SCARA5: variants seen among roughly 807,000 people sequenced by gnomAD.
SCARA5 encodes the protein scavenger receptor class A member 5.
A neutral mutation model predicts 46.3 loss-of-function variants in SCARA5; 45 were observed. That is an observed-to-expected ratio of 0.97 (90% CI 0.76 to 1.24). The LOEUF (loss-of-function observed/expected upper bound fraction) is 1.24, where lower values mean the gene tolerates loss of function less well. Ranked by LOEUF, SCARA5 falls within the 50% of genes most tolerant of loss-of-function variation. SCARA5 has a pLI of 0.00. For missense variants in SCARA5, 680 were observed against 689.0 expected (o/e 0.99, Z 0.15); for synonymous variants, 333 against 306.5 (o/e 1.09, Z -0.90).
At chr8:27,943,263 C>G (rs1166341332) in intron 3 of SCARA5, among the ~76,000 whole-genome samples, 1 of 152,180 alleles carries the variant, frequency 6.6e-6, no homozygotes, top group East Asian at 1.9e-4. Flanking sequence ...AACCCTGTCT[C>G]TACTAAAAAT....
At chr8:27,919,920 G>A (rs930119010) in intron 4 of SCARA5, among the ~76,000 whole-genome samples, 2 of 149,950 alleles carry the variant, frequency 1.3e-5, no homozygotes, top group African/African-American at 4.9e-5. Context: ...TATTATTTGT[G>A]CTGATGGCAG....
Position 27,909,747 on chromosome 8 carries a change from G to A in SCARA5, c.917-4C>T, listed in dbSNP as rs1412599809. On this transcript the variant is annotated splice_polypyrimidine_tract_variant and splice_region_variant and intron_variant, in intron 4 of 8. Transcript: ENST00000354914. ...TCACCTTTGGGTCCCGGTGGCCCTGGAAAGGCAAAAACAGCACTGAGGTTA... is the reference window on the plus strand; with the variant it reads ...TCACCTTTGGGTCCCGGTGGCCCTGAAAAGGCAAAAACAGCACTGAGGTTA... 1.2e-5 allele frequency: 19 copies of A among 1,550,030 alleles called. No individual in the cohort carries two copies. Among genetic ancestry groups the A allele is most frequent in the East Asian group, 2.4e-5 (1 of 40,840 alleles).
chr8:27,952,603 CAG>C (rs1808146009), intron 3 of SCARA5, among the ~76,000 whole-genome samples: 2 of 152,206 alleles, frequency 1.3e-5, no homozygotes, highest in Admixed American at 6.5e-5. Flanking sequence ...ACAAGCCATG[CAG>C]AGAGGCAGAA....
chr8:27,961,474 G>A (rs1808293210), intron 3 of SCARA5, among the ~76,000 whole-genome samples: 1 of 152,186 alleles, frequency 6.6e-6, no homozygotes, highest in Non-Finnish European at 1.5e-5. Context: ...GAAACCATGA[G>A]CCAAATAAAC....
intron 8 of SCARA5, among the ~76,000 whole-genome samples, chr8:27,873,462 C>T (rs966022815): frequency 1.9e-4 from 29 of 152,186 alleles, no homozygotes; most frequent in African/African-American, 7.0e-4. Flanking sequence ...GTAAAAATGG[C>T]CGGTTCCTGC....
At chr8:27,917,850 A>G (rs1248325036) in intron 4 of SCARA5, among the ~76,000 whole-genome samples, 1 of 152,180 alleles carries the variant, frequency 6.6e-6, no homozygotes, top group Non-Finnish European at 1.5e-5. Flanking sequence ...AGACAGGAAA[A>G]GCTAAGATCC....
chr8:27,980,443 G>A (rs1001063582), intron 2 of SCARA5, among the ~76,000 whole-genome samples: 12 of 152,156 alleles, frequency 7.9e-5, no homozygotes, highest in South Asian at 4.1e-4. Flanking sequence ...GGGACATGTC[G>A]GTGGCATCCC....
intron 2 of SCARA5, 113 bp from the exon 3 acceptor site, chr8:27,966,655 T>TCTCACA: frequency 8.6e-7 from 1 of 1,156,394 alleles, no homozygotes; most frequent in African/African-American, 1.5e-5. Flanking sequence ...ATGTTGAACT[T>TCTCACA]CTCACATCCC....
At chr8:27,881,293 C>T (rs992748023) in intron 7 of SCARA5, among the ~76,000 whole-genome samples, 1 of 152,200 alleles carries the variant, frequency 6.6e-6, no homozygotes, top group Non-Finnish European at 1.5e-5. Flanking sequence ...GGAAATCAAC[C>T]TACGTGCCTA....
At chr8:27,965,353 C>T (rs928866083) in intron 3 of SCARA5, among the ~76,000 whole-genome samples, 1 of 152,240 alleles carries the variant, frequency 6.6e-6, no homozygotes, top group Non-Finnish European at 1.5e-5. Context: ...CCGAGGGCCC[C>T]TCCCTCAGTG....
intron 3 of SCARA5, among the ~76,000 whole-genome samples, chr8:27,933,938 C>T (rs182139496): frequency 6.6e-6 from 1 of 152,246 alleles, no homozygotes. Flanking sequence ...ATTGGGTATG[C>T]ATACGGATGG....
Position 27,936,279 on chromosome 8 carries a change from T to C in SCARA5, c.242-14034A>G, listed in dbSNP as rs189999182. Among the ~76,000 whole-genome samples, 5 of 152,126 alleles carry C rather than the reference T, an allele frequency of 3.3e-5. No individual in the cohort carries two copies. The East Asian group carries it at 7.8e-4, about 24-fold the overall frequency. On this transcript the variant is annotated intron_variant, in intron 3 of 8. Transcript: ENST00000354914. Reference sequence around the variant, plus strand: ...GCCTCCCTGAGCTGGCCCTGGTCACTTCAGAGACCAGTAGGACAAGGAGAG... The same window carrying C: ...GCCTCCCTGAGCTGGCCCTGGTCACCTCAGAGACCAGTAGGACAAGGAGAG...
chr8:27,916,187 G>A (rs988357437), intron 4 of SCARA5, among the ~76,000 whole-genome samples: 5 of 152,196 alleles, frequency 3.3e-5, no homozygotes, highest in Admixed American at 2.0e-4. Flanking sequence ...AACCATTTGG[G>A]TCAAGCTCAG....
At chr8:27,890,745 T>C (rs568328187) in intron 7 of SCARA5, among the ~76,000 whole-genome samples, 3 of 152,360 alleles carry the variant, frequency 2.0e-5, no homozygotes, top group South Asian at 4.1e-4. Context: ...ACACAGTGAC[T>C]TGGGGCCTGA....
Position 27,871,727 on chromosome 8 carries a change from A to G in SCARA5, c.*207T>C. ...AACCTGGTGGAAGAGAGAGACGGGC[A>G]GTAGGTCCCAGAGTTATACTTCGGA... On this transcript the variant is annotated 3_prime_UTR_variant, in exon 9 of 9. Transcript: ENST00000354914. 7.1e-7 allele frequency: 1 copy of G among 1,410,586 alleles called. No homozygotes were observed. The allele number at this position is 1,410,586 out of a possible 1,614,324, so 87.4% of individuals were successfully genotyped here.
At chr8:27,881,906 C>T (rs1384477595) in intron 7 of SCARA5, among the ~76,000 whole-genome samples, 2 of 152,188 alleles carry the variant, frequency 1.3e-5, no homozygotes, top group African/African-American at 4.8e-5. Flanking sequence ...CATTTGGGTT[C>T]ACTTTTGGTG....
chr8:27,974,768 G>T (rs1436369710), intron 2 of SCARA5, among the ~76,000 whole-genome samples: 1 of 150,056 alleles, frequency 6.7e-6, no homozygotes, highest in Non-Finnish European at 1.5e-5. Flanking sequence ...AGGAAAGTAT[G>T]AAGCAGGGGC....
intron 3 of SCARA5, among the ~76,000 whole-genome samples, chr8:27,926,435 C>T (rs1046742747): frequency 4.7e-5 from 7 of 150,474 alleles, no homozygotes; most frequent in South Asian, 2.1e-4. Flanking sequence ...CATCACACAC[C>T]GGGGCCTGTC....
chr8:27,986,057 C>T (rs1808700793), intron 2 of SCARA5, among the ~76,000 whole-genome samples: 1 of 152,190 alleles, frequency 6.6e-6, no homozygotes, highest in African/African-American at 2.4e-5. Context: ...TCCAATCACC[C>T]CACTGTGCTG....
Sources: gnomAD v4.1 joint callset for allele counts (sites outside exome capture counted in the v4.1 genomes callset) on GRCh38, gnomAD v4.1.1 for gene constraint, MANE v1.5 for transcripts, NCBI Gene and HGNC (gene_info 2026-07-23, HGNC 2026-07-21) for gene names.